EBF1: variants seen among roughly 807,000 people sequenced by gnomAD.
The protein encoded by EBF1 is EBF transcription factor 1.
EBF1 carries 10 observed loss-of-function variants against 68.4 expected under a neutral mutation model. That is an observed-to-expected ratio of 0.15 (90% confidence interval 0.09 to 0.25). The LOEUF (loss-of-function observed/expected upper bound fraction) is 0.25. Ranked by LOEUF, EBF1 falls within the 10% of genes least tolerant of loss-of-function variation. The pLI is 1.00. For synonymous variants in EBF1, 298 were observed against 299.8 expected (o/e 0.99, Z 0.06); for missense variants, 509 against 794.4 (o/e 0.64, Z 4.32).
Position 158,898,412 on chromosome 5 carries a change from G to A in EBF1, c.555-58302C>T, listed in dbSNP as rs1000535584. Among the ~76,000 whole-genome samples, 3 of 152,178 alleles carry A rather than the reference G, an allele frequency of 2.0e-5. 1 individual carries two copies. The highest frequency in any genetic ancestry group is 7.2e-5 in the African/African-American group (3 of 41,438). On this transcript the variant is annotated intron_variant, in intron 6 of 15. Transcript: ENST00000313708. ...AGTCAAATGTGCCCAAGTCCCTGAAGCATATGTAATAAACCACCAACCAGA... is the reference window on the plus strand; with the variant it reads ...AGTCAAATGTGCCCAAGTCCCTGAAACATATGTAATAAACCACCAACCAGA...
intron 7 of EBF1, among the ~76,000 whole-genome samples, chr5:158,836,414 T>A (rs1181115878): frequency 6.6e-6 from 1 of 152,018 alleles, no homozygotes; most frequent in Non-Finnish European, 1.5e-5. Flanking sequence ...GAGTTCAGAA[T>A]GAGTGACTGT....
At chr5:158,824,971 A>T (rs2127872177) in intron 7 of EBF1, among the ~76,000 whole-genome samples, 1 of 152,366 alleles carries the variant, frequency 6.6e-6, no homozygotes, top group South Asian at 2.1e-4. Context: ...ATTAAAATGC[A>T]TAGGAAACAG....
chr5:158,799,702 G>A (rs1179502645), intron 8 of EBF1, among the ~76,000 whole-genome samples: 1 of 152,110 alleles, frequency 6.6e-6, no homozygotes, highest in Non-Finnish European at 1.5e-5. Context: ...GTAATGCAAC[G>A]GGAAGGTGCT....
At chr5:158,756,528 CT>C (rs1176698642) in intron 10 of EBF1, among the ~76,000 whole-genome samples, 1 of 151,964 alleles carries the variant, frequency 6.6e-6, no homozygotes, top group African/African-American at 2.4e-5. Context: ...AAAATAACCT[CT>C]TGAAGTATAA....
At chr5:158,816,373 C>G (rs551292792) in intron 8 of EBF1, among the ~76,000 whole-genome samples, 1 of 152,192 alleles carries the variant, frequency 6.6e-6, no homozygotes, top group Non-Finnish European at 1.5e-5. Context: ...CTATGCAAAC[C>G]CTGAAATGCA....
intron 6 of EBF1, among the ~76,000 whole-genome samples, chr5:158,844,521 A>C (rs984511394): frequency 6.6e-6 from 1 of 152,204 alleles, no homozygotes; most frequent in Admixed American, 6.5e-5. Flanking sequence ...AGTGATCTTA[A>C]TCATCACTTA....
At chr5:159,059,010 A>G (rs1357995447) in intron 6 of EBF1, among the ~76,000 whole-genome samples, 3 of 152,228 alleles carry the variant, frequency 2.0e-5, no homozygotes, top group African/African-American at 7.2e-5. Context: ...CACTTCTGCC[A>G]TGTAGCCACC....
intron 6 of EBF1, among the ~76,000 whole-genome samples, chr5:158,997,677 T>C (rs1761685316): frequency 6.6e-6 from 1 of 152,172 alleles, no homozygotes; most frequent in African/African-American, 2.4e-5. Context: ...ACTAACACAA[T>C]AGTAGTTAAT....
At chr5:158,825,494 A>AG (rs1233214375) in intron 7 of EBF1, among the ~76,000 whole-genome samples, 1 of 151,078 alleles carries the variant, frequency 6.6e-6, no homozygotes, top group Non-Finnish European at 1.5e-5. Flanking sequence ...CTTAGGAGGA[A>AG]AAAAAAAAAA....
chr5:158,884,563 A>T (rs1004478449), intron 6 of EBF1, among the ~76,000 whole-genome samples: 2 of 152,166 alleles, frequency 1.3e-5, no homozygotes, highest in African/African-American at 4.8e-5. Context: ...TTGAAGAGAC[A>T]GCTGGAATGC....
intron 7 of EBF1, 99 bp downstream of exon 7, chr5:158,839,930 T>C (rs767347447): frequency 1.0e-5 from 12 of 1,185,860 alleles, no homozygotes; most frequent in Non-Finnish European, 1.5e-5. Context: ...GCTCTTCACC[T>C]CTGGGAAAAA....
In EBF1 at chr5:158,872,189, GTCTTT is replaced by G. The variant is rs200179139; in HGVS notation, c.555-32084_555-32080del. 1.5e-3 allele frequency among the ~76,000 whole-genome samples: 232 copies of G among 150,598 alleles called. 1 individual carries two copies. The East Asian group carries it at 0.029, about 19-fold the overall frequency. On this transcript the variant is annotated intron_variant, in intron 6 of 15. Transcript: ENST00000313708. The stretch of plus-strand genomic sequence containing the variant: ...TATCTACCCAAGTAGAAAACTTTTG[GTCTTT>G]TCTTTTCTTTTTTTTTTTTTGAGAT...
chr5:158,764,135 T>A (rs1249447516), intron 10 of EBF1, among the ~76,000 whole-genome samples: 1 of 152,110 alleles, frequency 6.6e-6, no homozygotes, highest in East Asian at 1.9e-4. Context: ...AGTCTCAGAG[T>A]GGTTAAGAAA....
At chr5:158,798,016 T>A (rs1248295626) in intron 8 of EBF1, among the ~76,000 whole-genome samples, 1 of 152,002 alleles carries the variant, frequency 6.6e-6, no homozygotes, top group Non-Finnish European at 1.5e-5. Flanking sequence ...AATGTTTAAA[T>A]GCATGATTAA....
Position 158,707,985 on chromosome 5 carries a change from G to A in EBF1, c.1738C>T (p.Leu580=), listed in dbSNP as rs1758258713. 2 of 1,549,550 alleles carry A rather than the reference G, an allele frequency of 1.3e-6. No homozygotes were observed. Among genetic ancestry groups the A allele is most frequent in the Admixed American group, 3.9e-5 (2 of 51,018 alleles). ...GGTGGGGCCTGGGGCTTACCTTGCA[G>A]GCTGTTCCCGTTGGTGCTGGTGCAG... ...PTCTSTNGNS[L]QAISGMIVPP... Residue 580 remains leucine, a synonymous_variant, in exon 15 of 16, where the codon CTG becomes TTG. Transcript: ENST00000313708.
At chr5:158,772,426 A>T (rs919551683) in intron 10 of EBF1, among the ~76,000 whole-genome samples, 4 of 152,108 alleles carry the variant, frequency 2.6e-5, no homozygotes, top group Non-Finnish European at 5.9e-5. Context: ...CCTCCAGAGG[A>T]GGGGCTGAGA....
intron 15 of EBF1, among the ~76,000 whole-genome samples, chr5:158,702,350 A>C (rs751270220): frequency 2.6e-5 from 4 of 152,128 alleles, no homozygotes; most frequent in Non-Finnish European, 4.4e-5. Context: ...AGTGGAGTGC[A>C]TAAAGATTCC....
At chr5:158,918,959 C>A (rs1161982364) in intron 6 of EBF1, among the ~76,000 whole-genome samples, 2 of 152,236 alleles carry the variant, frequency 1.3e-5, no homozygotes, top group Admixed American at 6.5e-5. Context: ...GGGCTTTCAA[C>A]TAAGGCATTC....
intron 15 of EBF1, among the ~76,000 whole-genome samples, chr5:158,701,362 A>T (rs76930464): frequency 1.9e-4 from 1 of 5,226 alleles, no homozygotes; most frequent in African/African-American, 8.9e-4. Flanking sequence ...GGCCAGAATT[A>T]AAAAAAAAAA....
Sources: gnomAD v4.1 joint callset for allele counts (sites outside exome capture counted in the v4.1 genomes callset) on GRCh38, gnomAD v4.1.1 for gene constraint, MANE v1.5 for transcripts, NCBI Gene and HGNC (gene_info 2026-07-23, HGNC 2026-07-21) for gene names.